Variants in PCDHGA6 observed in about 807,000 individuals in gnomAD.
PCDHGA6 encodes protocadherin gamma subfamily A, 6.
PCDHGA6 carries 41 observed loss-of-function variants against 60.6 expected under a neutral mutation model. The observed-to-expected ratio is 0.68, with a 90% CI of 0.53 to 0.88. The LOEUF is 0.88. Among genes scored for constraint, PCDHGA6 ranks in the 40% least tolerant of loss-of-function variants. The pLI is 0.00. For synonymous variants in PCDHGA6, 594 were observed against 524.4 expected (o/e 1.13, Z -1.81); for missense variants, 1,312 against 1,203.0 (o/e 1.09, Z -1.34).
intron 1 of PCDHGA6, chr5:141,413,293 C>G: frequency 6.2e-7 from 1 of 1,613,946 alleles, no homozygotes; most frequent in South Asian, 1.1e-5. Context: ...CTACTCAATT[C>G]CTGAGGAATT....
intron 1 of PCDHGA6, chr5:141,433,013 AC>A: frequency 6.2e-7 from 1 of 1,614,018 alleles, no homozygotes; most frequent in Non-Finnish European, 8.5e-7. Flanking sequence ...TTTCCTGCAG[AC>A]CTATTCCCAC....
intron 1 of PCDHGA6, chr5:141,416,995 T>G (rs912921234): frequency 2.0e-5 from 3 of 151,486 alleles, no homozygotes; most frequent in Non-Finnish European, 2.9e-5. Flanking sequence ...TGTGCATTCA[T>G]CTCAAATAAT....
chr5:141,394,252 A>G, intron 1 of PCDHGA6: 1 of 1,613,902 alleles, frequency 6.2e-7, no homozygotes, highest in Non-Finnish European at 8.5e-7. Flanking sequence ...CACGACCCCG[A>G]CAGCCAGGAG....
chr5:141,470,358 A>G (rs1263824284), intron 1 of PCDHGA6, among the ~76,000 whole-genome samples: 2 of 152,174 alleles, frequency 1.3e-5, no homozygotes, highest in African/African-American at 4.8e-5. Context: ...AAATAGACAC[A>G]TTAGGTTGAA....
At chr5:141,450,509 G>A (rs2098683055) in intron 1 of PCDHGA6, among the ~76,000 whole-genome samples, 1 of 151,878 alleles carries the variant, frequency 6.6e-6, no homozygotes, top group African/African-American at 2.4e-5. Flanking sequence ...GTTTTGAGAT[G>A]GAGTCTCATT....
In PCDHGA6 at chr5:141,491,561, A is replaced by G. The variant is rs1289732955; in HGVS notation, c.2425-3246A>G. ...CCCACAGACTCGCAGAGCCACTGCT[A>G]CAGGACGTGCTTTTCACCGGCCTCG... On this transcript the variant is annotated intron_variant, in intron 1 of 3. Transcript: ENST00000517434. The surrounding 1 kb of genome is among the most constrained non-coding windows in gnomAD (Gnocchi z 6.9). The G allele has an allele frequency of 6.2e-7, 1 of 1,613,938 alleles. No homozygotes were observed. Among genetic ancestry groups the G allele is most frequent in the Non-Finnish European group, 8.5e-7 (1 of 1,180,018 alleles).
At chr5:141,421,147 G>A in intron 1 of PCDHGA6, 1 of 1,019,036 alleles carries the variant, frequency 9.8e-7, no homozygotes, top group South Asian at 1.7e-5. Context: ...GGATGTAGTC[G>A]GCCTAGGACT....
At position 141,490,003 on chromosome 5, in the gene PCDHGA6, G is replaced by A. The variant is rs2099694760; in HGVS notation, c.2425-4804G>A. On this transcript the variant is annotated intron_variant, in intron 1 of 3. Transcript: ENST00000517434. This position sits in a 1 kb window ranked among gnomAD's most constrained non-coding sequence, Gnocchi z 5.4. ...TCTACGTGTGGGAATCCCAGAGAAT[G>A]CACCCATTGGTACTCTGCTGCTCCG... 6.2e-7 allele frequency: 1 copy of A among 1,614,204 alleles called. No homozygotes were observed. Among genetic ancestry groups the A allele is most frequent in the Non-Finnish European group, 8.5e-7 (1 of 1,180,008 alleles).
chr5:141,381,417 G>C (rs954058342), intron 1 of PCDHGA6, among the ~76,000 whole-genome samples: 1 of 152,332 alleles, frequency 6.6e-6, no homozygotes, highest in Admixed American at 6.5e-5. Flanking sequence ...GTGGAGAGAC[G>C]AGTACCTCTA....
chr5:141,473,299 G>T (rs182316672), intron 1 of PCDHGA6, among the ~76,000 whole-genome samples: 5 of 152,228 alleles, frequency 3.3e-5, no homozygotes, highest in Admixed American at 1.3e-4. Flanking sequence ...GTAGCATAAA[G>T]ATTGCTATAT....
chr5:141,496,152 C>T (rs771462960), intron 2 of PCDHGA6, among the ~76,000 whole-genome samples: 2 of 152,080 alleles, frequency 1.3e-5, no homozygotes, highest in Non-Finnish European at 1.5e-5. Flanking sequence ...GATCGCAGCT[C>T]TCCACCAGAC....
At position 141,511,349 on chromosome 5, in the gene PCDHGA6, C is replaced by CG; in HGVS notation, c.*176_*177insG. On this transcript the variant is annotated 3_prime_UTR_variant, in exon 4 of 4. Coordinates refer to ENST00000517434, the MANE Select transcript of PCDHGA6 (RefSeq NM_018919.3). The stretch of plus-strand genomic sequence containing the variant: ...GCCCAGTCAGCACCTACCCCTTCCC[C>CG]CCCAGGGGGTTGAATATGCAAAAGC... 7.1e-7 allele frequency: 1 copy of CG among 1,401,498 alleles called. No homozygotes were observed. Among genetic ancestry groups the CG allele is most frequent in the African/African-American group, 1.5e-5 (1 of 68,948 alleles). 86.8% of individuals were successfully genotyped at this position (1,401,498 alleles called of 1,614,324 possible).
chr5:141,487,312 TAA>T lies in PCDHGA6; in HGVS notation c.2425-7494_2425-7493del, dbSNP rs1464336630. ...TTGGCTCATTCGTGGCACTACTCTC[TAA>T]GTGTCTTCGTGGGGCAGCCTGTGGA... On this transcript the variant is annotated intron_variant, in intron 1 of 3. Transcript: ENST00000517434. The surrounding 1 kb of genome is among the most constrained non-coding windows in gnomAD (Gnocchi z 5.0). 1 of 1,614,158 alleles carries T rather than the reference TAA, an allele frequency of 6.2e-7. No homozygotes were observed. Among genetic ancestry groups the T allele is most frequent in the African/African-American group, 1.3e-5 (1 of 75,056 alleles).
chr5:141,376,553 G>T, intron 1 of PCDHGA6, 46 bp downstream of exon 1: 1 of 1,610,804 alleles, frequency 6.2e-7, no homozygotes, highest in Non-Finnish European at 8.5e-7. Flanking sequence ...TGATCTTCCC[G>T]CAACCCAACT....
chr5:141,413,748 T>C (rs1264580781), intron 1 of PCDHGA6: 2 of 1,613,288 alleles, frequency 1.2e-6, no homozygotes, highest in Non-Finnish European at 1.7e-6. Context: ...GCCGTGCCAA[T>C]GGCGTCAAGT....
At chr5:141,452,084 C>CGG (rs1561946918) in intron 1 of PCDHGA6, among the ~76,000 whole-genome samples, 1 of 152,170 alleles carries the variant, frequency 6.6e-6, no homozygotes, top group Non-Finnish European at 1.5e-5. Context: ...TGGCATTATA[C>CGG]AGTAAGAAAG....
chr5:141,380,568 A>T (rs1449370426), intron 1 of PCDHGA6, among the ~76,000 whole-genome samples: 1 of 152,214 alleles, frequency 6.6e-6, no homozygotes, highest in Admixed American at 6.5e-5. Context: ...TTTATTAAAC[A>T]TATCTTGGCG....
intron 2 of PCDHGA6, among the ~76,000 whole-genome samples, chr5:141,501,287 TTA>T (rs1491235092): frequency 6.2e-5 from 6 of 96,980 alleles, no homozygotes; most frequent in African/African-American, 2.5e-4. Context: ...GGATATTCCC[TTA>T]TACACACACA....
Position 141,423,275 on chromosome 5 carries a change from C to T in PCDHGA6, c.2424+46768C>T. 1.2e-6 allele frequency: 2 copies of T among 1,614,012 alleles called. No homozygotes were observed. The highest frequency in any genetic ancestry group is 1.7e-6 in the Non-Finnish European group (2 of 1,179,970). ...GACCTCGGCAGCCTCGAGTCTCTGGCTAACTCTGAAACCTCAGACCTCTCG... is the reference window on the plus strand; with the variant it reads ...GACCTCGGCAGCCTCGAGTCTCTGGTTAACTCTGAAACCTCAGACCTCTCG... On this transcript the variant is annotated intron_variant, in intron 1 of 3. Transcript: ENST00000517434.
Sources: allele counts gnomAD v4.1 joint callset (sites outside exome capture counted in the v4.1 genomes callset), GRCh38; gene constraint gnomAD v4.1.1; non-coding constraint Gnocchi (gnomAD v3.1); transcripts MANE v1.5; gene names NCBI Gene and HGNC (gene_info 2026-07-23, HGNC 2026-07-21).